Variants in PTK2 observed in about 807,000 individuals in gnomAD.
PTK2 encodes the protein protein tyrosine kinase 2, also known as focal adhesion kinase 1.
PTK2 carries 45 observed loss-of-function variants against 150.1 expected under a neutral mutation model. That is an observed-to-expected ratio of 0.30 (90% confidence interval 0.24 to 0.38). The LOEUF (loss-of-function observed/expected upper bound fraction) is 0.38. Ranked by LOEUF, PTK2 falls within the 10% of genes least tolerant of loss-of-function variation. The pLI is 1.00. For synonymous variants in PTK2, 432 were observed against 449.2 expected (o/e 0.96, Z 0.48); for missense variants, 919 against 1,307.3 (o/e 0.70, Z 4.58).
At chr8:140,735,595 T>C (rs1186589178) in intron 21 of PTK2, 140 bp from the exon 25 acceptor site, 1 of 675,948 alleles carries the variant, frequency 1.5e-6, no homozygotes, top group Non-Finnish European at 2.6e-6. Flanking sequence ...CAGCATTATA[T>C]TAACTCTAGT....
At chr8:140,931,902 C>T (rs1464017823) in intron 1 of PTK2, among the ~76,000 whole-genome samples, 1 of 136,894 alleles carries the variant, frequency 7.3e-6, no homozygotes, top group Non-Finnish European at 1.5e-5. Flanking sequence ...CACTGCACTC[C>T]AGCCTGGGCG....
chr8:140,660,783 A>G lies in PTK2; in HGVS notation c.2947-1105T>C, dbSNP rs144425354. The G allele has an allele frequency of 6.6e-3, 2,270 of 342,540 alleles. 18 individuals are homozygous for G. The highest frequency in any genetic ancestry group is 7.2e-3 in the Non-Finnish European group (1,213 of 167,842). The allele number at this position is 342,540 out of a possible 1,614,324, so 21.2% of individuals were successfully genotyped here. ...CAGCAATGGTGGAAGCAGCTAATGAACACAAAATGCTGTCCTACAGGGTTC... is the reference window on the plus strand; with the variant it reads ...CAGCAATGGTGGAAGCAGCTAATGAGCACAAAATGCTGTCCTACAGGGTTC... On this transcript the variant is annotated intron_variant, in intron 31 of 31. Transcript: ENST00000522684.
intron 7 of PTK2, among the ~76,000 whole-genome samples, chr8:140,832,024 A>G (rs1282248771): frequency 6.6e-6 from 1 of 152,184 alleles, no homozygotes; most frequent in East Asian, 1.9e-4. Context: ...TCAAGCCACT[A>G]TTCCTTAACA....
intron 12 of PTK2, among the ~76,000 whole-genome samples, chr8:140,795,789 G>A (rs2154591506): frequency 6.6e-6 from 1 of 152,270 alleles, no homozygotes; most frequent in East Asian, 1.9e-4. Context: ...TGCCTTTTCA[G>A]TATTACTCGT....
At chr8:140,814,555 AC>A (rs1291652617) in intron 10 of PTK2, among the ~76,000 whole-genome samples, 8 of 152,172 alleles carry the variant, frequency 5.3e-5, no homozygotes, top group African/African-American at 1.9e-4. Context: ...AAAAACAAAA[AC>A]CACAGGATCA....
chr8:140,682,984 A>T (rs1253545705), intron 27 of PTK2, among the ~76,000 whole-genome samples: 8 of 152,214 alleles, frequency 5.3e-5, no homozygotes, highest in African/African-American at 1.9e-4. Context: ...CTAACAGAAA[A>T]CAAGAGATAC....
Position 140,780,805 on chromosome 8 carries a change from G to T in PTK2, c.1177+8669C>A, listed in dbSNP as rs2100081235. 2.6e-5 allele frequency among the ~76,000 whole-genome samples: 4 copies of T among 152,168 alleles called. No homozygotes were observed. The South Asian group carries it at 8.3e-4, about 32-fold the overall frequency. Reference sequence around the variant, plus strand: ...TGAAATATGCCTTCGATTTGCTTTAGAATAACCAATAGGGATTATGTGTGT... The same window carrying T: ...TGAAATATGCCTTCGATTTGCTTTATAATAACCAATAGGGATTATGTGTGT... On this transcript the variant is annotated intron_variant, in intron 14 of 31. Coordinates refer to ENST00000522684, the Ensembl canonical transcript of PTK2.
intron 7 of PTK2, chr8:140,833,111 G>A (rs1048613301): frequency 7.8e-6 from 4 of 515,476 alleles, no homozygotes; most frequent in East Asian, 5.5e-5. Flanking sequence ...GGAAGCATAT[G>A]TTTTTTGAAA....
intron 12 of PTK2, among the ~76,000 whole-genome samples, chr8:140,795,461 C>T (rs1252801668): frequency 6.6e-6 from 1 of 152,166 alleles, no homozygotes; most frequent in African/African-American, 2.4e-5. Flanking sequence ...CTGTTTTCCA[C>T]CCCTTCAGGT....
At chr8:140,774,679 T>C (rs2100077416) in intron 14 of PTK2, among the ~76,000 whole-genome samples, 1 of 152,186 alleles carries the variant, frequency 6.6e-6, no homozygotes, top group South Asian at 2.1e-4. Flanking sequence ...CAAGTCATAA[T>C]AAAGACCTTG....
chr8:140,966,946 T>C (rs2100185528), intron 1 of PTK2, among the ~76,000 whole-genome samples: 1 of 152,248 alleles, frequency 6.6e-6, no homozygotes, highest in Admixed American at 6.5e-5. Flanking sequence ...CTCATTTCAA[T>C]GCACAATCCA....
In PTK2 at chr8:140,928,347, AT is replaced by A. The variant is rs2100170483; in HGVS notation, c.-121-2599del. Among the ~76,000 whole-genome samples, 4 of 152,328 alleles carry A rather than the reference AT, an allele frequency of 2.6e-5. No homozygotes were observed. In the South Asian group the frequency reaches 8.3e-4, roughly 32 times the overall value. ...TATGAAGAAATCGAAACCCTTGTGTATTGTTGGTGGGAATGTAAAATGGTAC... is the reference window on the plus strand; with the variant it reads ...TATGAAGAAATCGAAACCCTTGTGTATGTTGGTGGGAATGTAAAATGGTAC... On this transcript the variant is annotated intron_variant, in intron 1 of 31. Transcript: ENST00000522684.
chr8:140,697,455 T>TGTGTGTGTG, intron 26 of PTK2, among the ~76,000 whole-genome samples: 2 of 149,814 alleles, frequency 1.3e-5, no homozygotes, highest in Non-Finnish European at 3.0e-5. Flanking sequence ...TGTGTGTGTG[T>TGTGTGTGTG]TTTTAAACGG....
intron 26 of PTK2, among the ~76,000 whole-genome samples, chr8:140,699,668 A>T (rs2100029040): frequency 6.6e-6 from 1 of 152,248 alleles, no homozygotes; most frequent in Non-Finnish European, 1.5e-5. Context: ...TGGAAGCAGG[A>T]GTTGTTTCTG....
At chr8:140,715,439 T>C (rs1020765849) in intron 23 of PTK2, among the ~76,000 whole-genome samples, 6 of 152,052 alleles carry the variant, frequency 3.9e-5, no homozygotes, top group Admixed American at 1.3e-4. Flanking sequence ...CCCAAAGTGC[T>C]GGGATTACAG....
intron 17 of PTK2, 28 bp from the exon 21 acceptor site, chr8:140,746,888 C>CTT: frequency 2.6e-6 from 3 of 1,135,856 alleles, no homozygotes; most frequent in Admixed American, 2.4e-5. Flanking sequence ...CATAGTTATT[C>CTT]TTTCTTTTTT....
At chr8:140,751,349 T>TA (rs2100062540) in intron 17 of PTK2, among the ~76,000 whole-genome samples, 1 of 152,136 alleles carries the variant, frequency 6.6e-6, no homozygotes. Context: ...TTTTAATTTT[T>TA]AAATTTTTTC....
intron 1 of PTK2, among the ~76,000 whole-genome samples, chr8:140,944,735 A>G (rs915108834): frequency 1.2e-4 from 19 of 152,360 alleles, no homozygotes; most frequent in African/African-American, 4.6e-4. Context: ...ATTTGTGTAC[A>G]GCGCACCCAC....
At chr8:140,700,523 G>C (rs142658074) in intron 26 of PTK2, among the ~76,000 whole-genome samples, 2,798 of 148,524 alleles carry the variant, frequency 0.019, 38 homozygotes, top group Non-Finnish European at 0.023. Context: ...TTCACTCGTC[G>C]CCCAGGCTGG....
Sources: allele counts gnomAD v4.1 joint callset (sites outside exome capture counted in the v4.1 genomes callset), GRCh38; gene constraint gnomAD v4.1.1; transcripts MANE v1.5; gene names NCBI Gene and HGNC (gene_info 2026-07-23, HGNC 2026-07-21).